The following ANO1 variants were observed in gnomAD, a reference collection of about 807,000 sequenced individuals.
The protein encoded by ANO1 is anoctamin 1.
A neutral mutation model predicts 124.0 loss-of-function variants in ANO1; 59 were observed. The ratio of observed to expected loss-of-function variants is 0.48; its 90% CI spans 0.39 to 0.59. The LOEUF (loss-of-function observed/expected upper bound fraction) is 0.59, where lower values mean the gene tolerates loss of function less well. Among genes scored for constraint, ANO1 ranks in the 20% least tolerant of loss-of-function variants. The pLI, the probability that ANO1 is intolerant of heterozygous loss-of-function variation, is 0.00. For missense variants in ANO1, 1,059 were observed against 1,328.0 expected (o/e 0.80, Z 3.15); for synonymous variants, 529 against 532.0 (o/e 0.99, Z 0.08).
chr11:70,126,079 G>C lies in ANO1; in HGVS notation c.981G>C (p.Lys327Asn). Residue 327 changes from lysine (K) to asparagine (N), a missense_variant, in exon 10 of 26, where the codon AAG becomes AAC. Lys to Asn is a moderately conservative substitution (Grantham distance 94). Around this residue, in one of 2 missense-constraint regions of ANO1, gnomAD observed 809 missense variants for 1,094.9 expected, o/e 0.74. Coordinates refer to ENST00000355303, the MANE Select transcript of ANO1 (RefSeq NM_018043.7). ...IDLVRKYFGE[K>N]IGLYFAWLGV... ...GGTGTAGGAAGTATTTTGGGGAGAA[G>C]ATCGGCCTGTACTTCGCCTGGCTGG... The C allele has an allele frequency of 3.1e-6, 5 of 1,610,296 alleles. No homozygotes were observed. The highest frequency in any genetic ancestry group is 4.2e-6 in the Non-Finnish European group (5 of 1,178,096).
At chr11:69,984,290 G>A (rs1163516736), upstream of ANO1, among the ~76,000 whole-genome samples, 1 of 151,352 alleles carries the variant, frequency 6.6e-6, no homozygotes, top group Admixed American at 6.6e-5. Flanking sequence ...ACGTCCCGGG[G>A]CTTCTTGGCA....
chr11:70,064,028 G>C (rs1168380274), intron 1 of ANO1: 2 of 152,008 alleles, frequency 1.3e-5, no homozygotes, highest in Non-Finnish European at 1.5e-5. Context: ...TTCTGTGGCT[G>C]GGCACAGCTG....
intron 8 of ANO1, among the ~76,000 whole-genome samples, chr11:70,118,245 A>G (rs560870811): frequency 7.0e-6 from 1 of 142,230 alleles, no homozygotes; most frequent in African/African-American, 2.7e-5. Context: ...CTGCTTTTCT[A>G]GTCTCAGGAT....
intron 7 of ANO1, among the ~76,000 whole-genome samples, chr11:70,116,239 G>A (rs1262266578): frequency 6.6e-6 from 1 of 152,214 alleles, no homozygotes; most frequent in Non-Finnish European, 1.5e-5. Context: ...CCTGGTGGTG[G>A]AGGCCAACAG....
At chr11:70,184,742 G>T (rs934093439) in intron 24 of ANO1, among the ~76,000 whole-genome samples, 36 of 152,098 alleles carry the variant, frequency 2.4e-4, no homozygotes, top group African/African-American at 8.7e-4. Context: ...GTGTTTTTTG[G>T]TTGTTGTTTG....
intron 1 of ANO1, among the ~76,000 whole-genome samples, chr11:70,027,578 G>A (rs1396706183): frequency 2.6e-5 from 4 of 152,218 alleles, no homozygotes; most frequent in African/African-American, 9.7e-5. Context: ...TGGAGGTGGG[G>A]ACTCTGTTTT....
intron 11 of ANO1, among the ~76,000 whole-genome samples, chr11:70,133,817 G>A (rs1420952477): frequency 1.3e-5 from 2 of 152,222 alleles, no homozygotes; most frequent in Non-Finnish European, 2.9e-5. Context: ...GCACAGCAGA[G>A]CCGAGGTATG....
chr11:70,018,106 G>T (rs1555002218), intron 1 of ANO1: 1 of 152,144 alleles, frequency 6.6e-6, no homozygotes. Context: ...TATAATTCCA[G>T]CACTTTGGGA....
chr11:70,175,986 C>T (rs533955956), intron 22 of ANO1, among the ~76,000 whole-genome samples: 1 of 152,278 alleles, frequency 6.6e-6, no homozygotes, highest in South Asian at 2.1e-4. Context: ...CATGACACAG[C>T]CCTCAGGAGG....
At chr11:70,168,993 G>T (rs981741299) in intron 21 of ANO1, among the ~76,000 whole-genome samples, 1 of 152,178 alleles carries the variant, frequency 6.6e-6, no homozygotes, top group Admixed American at 6.5e-5. Flanking sequence ...GGGTCAGGCC[G>T]GTAGGCAGAA....
intron 2 of ANO1, among the ~76,000 whole-genome samples, chr11:70,096,838 G>T (rs1590720557): frequency 6.6e-6 from 1 of 152,048 alleles, no homozygotes; most frequent in Non-Finnish European, 1.5e-5. Context: ...TCCAGCCTGG[G>T]TGACAGAGTG....
At position 70,132,079 on chromosome 11, in the gene ANO1, G is replaced by T. The variant is rs1465721594; in HGVS notation, c.1258G>T (p.Ala420Ser). 2 of 1,586,676 alleles carry T rather than the reference G, an allele frequency of 1.3e-6. No homozygotes were observed. The highest frequency in any genetic ancestry group is 1.7e-6 in the Non-Finnish European group (2 of 1,171,196). The change falls in exon 11 of 26, where the codon GCT (alanine) becomes TCT (serine). Residue 420 changes from alanine (A) to serine (S), a missense_variant and splice_region_variant. Around this residue, in one of 2 missense-constraint regions of ANO1, gnomAD observed 809 missense variants for 1,094.9 expected, o/e 0.74. Coordinates refer to ENST00000355303, the MANE Select transcript of ANO1 (RefSeq NM_018043.7). ...VFFSVFMALWAATFMEHWKRK... is the reference protein window; with the variant it reads ...VFFSVFMALWSATFMEHWKRK... ...CTTCTCTGTCTTCATGGCCCTCTGG[G>T]GTAAGCAGGGCTCCAGAGCACTGGG...
chr11:69,977,030 C>T, the ANO1 span, among the ~76,000 whole-genome samples: 3 of 152,216 alleles, frequency 2.0e-5, no homozygotes, highest in African/African-American at 7.2e-5. Context: ...CAGCCCCAGG[C>T]GGTCTGATGC....
chr11:70,093,314 T>TTCCCTCTCCCTCCCCTTCTCTC (rs2044711550), intron 2 of ANO1, among the ~76,000 whole-genome samples: 2 of 149,556 alleles, frequency 1.3e-5, no homozygotes, highest in Non-Finnish European at 3.0e-5. Flanking sequence ...CTCCATCTCT[T>TTCCCTCTCCCTCCCCTTCTCTC]TCCCTCTCCC....
chr11:70,157,480 G>T (rs2135685686), intron 16 of ANO1, among the ~76,000 whole-genome samples: 1 of 152,186 alleles, frequency 6.6e-6, no homozygotes, highest in East Asian at 1.9e-4. Context: ...CAGGGCAGTG[G>T]GTGGGGAAGA....
chr11:70,120,298 T>G (rs528543456), intron 8 of ANO1, among the ~76,000 whole-genome samples: 1 of 152,084 alleles, frequency 6.6e-6, no homozygotes, highest in African/African-American at 2.4e-5. Context: ...GGGAGCCCCT[T>G]CCTCCAGGAC....
chr11:69,979,876 G>T, the ANO1 span, among the ~76,000 whole-genome samples: 2 of 152,126 alleles, frequency 1.3e-5, no homozygotes, highest in Non-Finnish European at 2.9e-5. Flanking sequence ...TCAGCTTGGT[G>T]CCAGGAGGTC....
At chr11:70,126,315 T>C in intron 10 of ANO1, 120 bp downstream of exon 10, 1 of 1,290,700 alleles carries the variant, frequency 7.7e-7, no homozygotes, top group Non-Finnish European at 1.0e-6. Context: ...ACATGAAACC[T>C]CACGCCAAGC....
intron 7 of ANO1, among the ~76,000 whole-genome samples, chr11:70,115,365 C>A (rs921769901): frequency 1.3e-5 from 2 of 152,154 alleles, no homozygotes; most frequent in African/African-American, 4.8e-5. Flanking sequence ...GTAATCGCAG[C>A]ACTTTGGGAG....
Sources: gnomAD v4.1 joint callset for allele counts (sites outside exome capture counted in the v4.1 genomes callset) on GRCh38, gnomAD v4.1.1 for gene constraint, gnomAD v4.1.1 regional missense constraint, MANE v1.5 for transcripts, NCBI Gene and HGNC (gene_info 2026-07-23, HGNC 2026-07-21) for gene names.